TMEM97: variants seen among roughly 807,000 people sequenced by gnomAD.
The protein encoded by TMEM97 is sigma intracellular receptor 2.
TMEM97 carries 13 observed loss-of-function variants against 18.3 expected under a neutral mutation model. The observed-to-expected ratio is 0.71, with a 90% CI of 0.46 to 1.13. TMEM97 has a LOEUF of 1.13. TMEM97 is among the 50% of genes most tolerant of loss of function. The pLI, the probability that TMEM97 is intolerant of heterozygous loss-of-function variation, is 0.00. For missense variants in TMEM97, 205 were observed against 210.5 expected (o/e 0.97, Z 0.16); for synonymous variants, 76 against 85.3 (o/e 0.89, Z 0.60).
chr17:28,325,502 G>A lies in TMEM97; in HGVS notation c.127-1G>A. On this transcript the variant is annotated splice_acceptor_variant, in intron 1 of 2. Transcript: ENST00000226230. LOFTEE classifies it high-confidence loss of function. ...TTCATCATGATCGTTTTCTTTTTCA[G>A]TTTAGAAACCTGCTGAAGTGGTATG... The A allele has an allele frequency of 6.2e-7, 1 of 1,612,832 alleles. No individual in the cohort carries two copies. The highest frequency in any genetic ancestry group is 8.5e-7 in the Non-Finnish European group (1 of 1,179,682).
intron 1 of TMEM97, chr17:28,324,839 G>A (rs1464545603): frequency 6.6e-6 from 1 of 152,134 alleles, no homozygotes; most frequent in Non-Finnish European, 1.5e-5. Context: ...CTAAAATCCT[G>A]TCTCCTAAAA....
chr17:28,323,688 C>T lies in TMEM97; in HGVS notation c.127-1815C>T, dbSNP rs372632105. Among the ~76,000 whole-genome samples the T allele has an allele frequency of 5.9e-5, 9 of 152,282 alleles. No individual in the cohort carries two copies. The East Asian group carries it at 7.7e-4, about 13-fold the overall frequency. ...TGCTGGGATTATAGGCATGAGCCAC[C>T]GGGCCTGGCCCAGAATGCCTCTTAA... On this transcript the variant is annotated intron_variant, in intron 1 of 2. Coordinates refer to ENST00000226230, the MANE Select transcript of TMEM97 (RefSeq NM_014573.3).
chr17:28,322,535 C>T (rs571048259), intron 1 of TMEM97, among the ~76,000 whole-genome samples: 4 of 152,236 alleles, frequency 2.6e-5, no homozygotes, highest in African/African-American at 4.8e-5. Flanking sequence ...TGAACCACCA[C>T]GCCTGGCCTG....
At position 28,327,527 on chromosome 17, in the gene TMEM97, C is replaced by T. The variant is rs535419437; in HGVS notation, c.*734C>T. On this transcript the variant is annotated 3_prime_UTR_variant, in exon 3 of 3. Coordinates refer to ENST00000226230, the MANE Select transcript of TMEM97 (RefSeq NM_014573.3). Reference sequence around the variant, plus strand: ...ACTCCTGATTCTCAAGAGTGTATCACCTGTCAGCAAAATGAATAGTGGGAT... The same window carrying T: ...ACTCCTGATTCTCAAGAGTGTATCATCTGTCAGCAAAATGAATAGTGGGAT... The T allele has an allele frequency of 6.6e-6, 1 of 152,196 alleles. No individual in the cohort carries two copies. Among genetic ancestry groups the T allele is most frequent in the African/African-American group, 2.4e-5 (1 of 41,434 alleles). 9.4% of individuals were successfully genotyped at this position (152,196 alleles called of 1,614,324 possible).
At chr17:28,322,130 A>G (rs1420760528) in intron 1 of TMEM97, among the ~76,000 whole-genome samples, 6 of 152,118 alleles carry the variant, frequency 3.9e-5, no homozygotes, top group South Asian at 2.1e-4. Context: ...AAAAACCTGT[A>G]GGAGATCACC....
intron 1 of TMEM97, among the ~76,000 whole-genome samples, chr17:28,320,358 A>G (rs782047222): frequency 1.3e-4 from 20 of 152,212 alleles, no homozygotes; most frequent in Non-Finnish European, 2.5e-4. Context: ...AACTCTCCCA[A>G]AAAGGCCACG....
In TMEM97 at chr17:28,328,532, A is replaced by C; in HGVS notation, c.*1739A>C. On this transcript the variant is annotated 3_prime_UTR_variant, in exon 3 of 3. Coordinates refer to ENST00000226230, the MANE Select transcript of TMEM97 (RefSeq NM_014573.3). ...CTGTCTTCAGGGGGCTGCATTCCTTACACGCCACCTCTTGTGACATAGGTC... is the reference window on the plus strand; with the variant it reads ...CTGTCTTCAGGGGGCTGCATTCCTTCCACGCCACCTCTTGTGACATAGGTC... 1.4e-6 allele frequency: 1 copy of C among 698,464 alleles called. No homozygotes were observed. The highest frequency in any genetic ancestry group is 1.7e-5 in the South Asian group (1 of 59,896). The allele number at this position is 698,464 out of a possible 1,614,324, so 43.3% of individuals were successfully genotyped here.
rs782241622 is a variant in TMEM97 at position 28,327,626 on chromosome 17, C to G, written c.*833C>G. 3.3e-5 allele frequency: 5 copies of G among 152,168 alleles called. No individual in the cohort carries two copies. The highest frequency in any genetic ancestry group is 4.8e-5 in the African/African-American group (2 of 41,432). The allele number at this position is 152,168 out of a possible 1,614,324, so 9.4% of individuals were successfully genotyped here. On this transcript the variant is annotated 3_prime_UTR_variant, in exon 3 of 3. Coordinates refer to ENST00000226230, the MANE Select transcript of TMEM97 (RefSeq NM_014573.3). ...AAAACTATATCAATGTTTTCTTGTTCCCACCTCTAACCCAAGGAAAAAAGA... is the reference window on the plus strand; with the variant it reads ...AAAACTATATCAATGTTTTCTTGTTGCCACCTCTAACCCAAGGAAAAAAGA...
At position 28,326,411 on chromosome 17, in the gene TMEM97, T is replaced by G; in HGVS notation, c.272-123T>G. On this transcript the variant is annotated intron_variant, in intron 2 of 2. Coordinates refer to ENST00000226230, the MANE Select transcript of TMEM97 (RefSeq NM_014573.3). The stretch of plus-strand genomic sequence containing the variant: ...AGTGTGGCACATCCAGGTTTCCAGT[T>G]CCGAGTTTCCACTTGGAGAAGGGAG... 3 of 1,234,536 alleles carry G rather than the reference T, an allele frequency of 2.4e-6. No homozygotes were observed. The Admixed American group carries it at 6.9e-5, about 28-fold the overall frequency. The allele number at this position is 1,234,536 out of a possible 1,614,324, so 76.5% of individuals were successfully genotyped here.
chr17:28,319,361 T>G lies in TMEM97; in HGVS notation c.122T>G (p.Val41Gly), dbSNP rs782140319. ...QAVLPRELYP[V>G]EFRNLLKWYA... ...GTGCTGCCGCGCGAGCTCTACCCAGTCGAGGTGAGGGGCGCCCCTCTTATC... is the reference window on the plus strand; with the variant it reads ...GTGCTGCCGCGCGAGCTCTACCCAGGCGAGGTGAGGGGCGCCCCTCTTATC... Residue 41 changes from valine to glycine, a missense_variant, in exon 1 of 3, where the codon GTC becomes GGC. Physicochemically the swap from Val to Gly is moderately radical, Grantham distance 109. Coordinates refer to ENST00000226230, the MANE Select transcript of TMEM97 (RefSeq NM_014573.3). 7 of 1,595,490 alleles carry G rather than the reference T, an allele frequency of 4.4e-6. No individual in the cohort carries two copies. The highest frequency in any genetic ancestry group is 6.0e-6 in the Non-Finnish European group (7 of 1,171,204).
chr17:28,319,969 T>C (rs1555574754), intron 1 of TMEM97, among the ~76,000 whole-genome samples: 1 of 152,154 alleles, frequency 6.6e-6, no homozygotes, highest in Non-Finnish European at 1.5e-5. Context: ...AAAATAAAGG[T>C]GAAAATCCCG....
rs781990299 is a variant in TMEM97, at chr17:28,326,795, G to A, written c.*2G>A. Reference sequence around the variant, plus strand: ...GAAGAGAAAAGAAAAAAAAAATGAAGGAAACAACCACTGGCCCAGGGTAGA... The same window carrying A: ...GAAGAGAAAAGAAAAAAAAAATGAAAGAAACAACCACTGGCCCAGGGTAGA... On this transcript the variant is annotated 3_prime_UTR_variant, in exon 3 of 3. Transcript: ENST00000226230. The A allele has an allele frequency of 2.5e-6, 4 of 1,609,466 alleles. No homozygotes were observed. Among genetic ancestry groups the A allele is most frequent in the Non-Finnish European group, 3.4e-6 (4 of 1,179,356 alleles).
At position 28,324,231 on chromosome 17, in the gene TMEM97, G is replaced by A. The variant is rs1037376383; in HGVS notation, c.127-1272G>A. On this transcript the variant is annotated intron_variant, in intron 1 of 2. Transcript: ENST00000226230. ...TCCAGAAAAGTGCTTAGAAGGAAGC[G>A]AAGGGCATTGCTATGAATTTCAATT... 7.9e-5 allele frequency among the ~76,000 whole-genome samples: 12 copies of A among 152,300 alleles called. No homozygotes were observed. In the South Asian group the frequency reaches 2.1e-3, roughly 26 times the overall value.
intron 1 of TMEM97, among the ~76,000 whole-genome samples, chr17:28,322,774 C>G (rs1017953472): frequency 1.3e-5 from 2 of 151,920 alleles, no homozygotes; most frequent in Non-Finnish European, 2.9e-5. Context: ...AGAGATCGTG[C>G]GTGCAGGCCA....
At position 28,319,362 on chromosome 17, in the gene TMEM97, C is replaced by T; in HGVS notation, c.123C>T (p.Val41=). ...QAVLPRELYP[V]EFRNLLKWYA... ...TGCTGCCGCGCGAGCTCTACCCAGTCGAGGTGAGGGGCGCCCCTCTTATCC... is the reference window on the plus strand; with the variant it reads ...TGCTGCCGCGCGAGCTCTACCCAGTTGAGGTGAGGGGCGCCCCTCTTATCC... Residue 41 remains valine, a synonymous_variant, in exon 1 of 3, where the codon GTC becomes GTT. Coordinates refer to ENST00000226230, the MANE Select transcript of TMEM97 (RefSeq NM_014573.3). The T allele has an allele frequency of 6.3e-7, 1 of 1,594,818 alleles. No homozygotes were observed. Among genetic ancestry groups the T allele is most frequent in the Non-Finnish European group, 8.5e-7 (1 of 1,170,888 alleles).
At position 28,328,458 on chromosome 17, in the gene TMEM97, G is replaced by C. The variant is rs1431155861; in HGVS notation, c.*1665G>C. On this transcript the variant is annotated 3_prime_UTR_variant, in exon 3 of 3. Transcript: ENST00000226230. ...GAGAACGTACACTGCAGGGCCACCA[G>C]CAGCAGCTGTGCACTGATGTTAAAA... 13 of 579,304 alleles carry C rather than the reference G, an allele frequency of 2.2e-5. No individual in the cohort carries two copies. The highest frequency in any genetic ancestry group is 4.0e-5 in the Non-Finnish European group (13 of 327,222). The allele number at this position is 579,304 out of a possible 1,614,324, so 35.9% of individuals were successfully genotyped here. A position where few individuals can be genotyped will look rare whatever the true frequency, so the allele number is the denominator to read the frequency against.
chr17:28,325,105 A>G (rs1906281492), intron 1 of TMEM97, among the ~76,000 whole-genome samples: 1 of 152,062 alleles, frequency 6.6e-6, no homozygotes, highest in African/African-American at 2.4e-5. Context: ...TTTTTTAAAC[A>G]AAGAATGATA....
chr17:28,321,165 T>C (rs1906127900), intron 1 of TMEM97, among the ~76,000 whole-genome samples: 2 of 152,236 alleles, frequency 1.3e-5, no homozygotes, highest in South Asian at 4.1e-4. Context: ...TACTACAGTG[T>C]TGGCCTATCT....
chr17:28,322,183 G>C (rs1202692616), intron 1 of TMEM97, among the ~76,000 whole-genome samples: 1 of 151,538 alleles, frequency 6.6e-6, no homozygotes, highest in Non-Finnish European at 1.5e-5. Flanking sequence ...TTTTTTCTTG[G>C]ATTGCACCAA....
Sources: gnomAD v4.1 joint callset for allele counts (sites outside exome capture counted in the v4.1 genomes callset) on GRCh38, gnomAD v4.1.1 for gene constraint, MANE v1.5 for transcripts, NCBI Gene and HGNC (gene_info 2026-07-23, HGNC 2026-07-21) for gene names.